The following MCC variants were observed in gnomAD, a reference collection of about 807,000 sequenced individuals.
MCC encodes the protein colorectal mutant cancer protein.
A neutral mutation model predicts 116.2 loss-of-function variants in MCC; 90 were observed. That is an observed-to-expected ratio of 0.77 (90% CI 0.65 to 0.92). The LOEUF (loss-of-function observed/expected upper bound fraction) is 0.92, where lower values mean the gene tolerates loss of function less well. Ranked by LOEUF, MCC falls within the 40% of genes least tolerant of loss-of-function variation. The pLI is 0.00. For synonymous variants in MCC, 578 were observed against 510.5 expected, an observed-to-expected ratio of 1.13 and a Z score of -1.78; for missense variants, 1,516 against 1,312.2, an observed-to-expected ratio of 1.16 and a Z score of -2.40.
At chr5:113,333,796 T>TATGTAC (rs1484458695) in intron 3 of MCC, among the ~76,000 whole-genome samples, 4 of 112,124 alleles carry the variant, frequency 3.6e-5, no homozygotes, top group African/African-American at 1.5e-4. Flanking sequence ...TATTTATATA[T>TATGTAC]ATATGTATAT....
At chr5:113,107,365 G>A (rs541618284) in intron 6 of MCC, among the ~76,000 whole-genome samples, 7 of 152,104 alleles carry the variant, frequency 4.6e-5, no homozygotes, top group African/African-American at 1.4e-4. Context: ...TTACAGGCGT[G>A]TGCCACCACA....
At chr5:113,323,665 T>A (rs1222613424) in intron 3 of MCC, among the ~76,000 whole-genome samples, 1 of 152,236 alleles carries the variant, frequency 6.6e-6, no homozygotes, top group Non-Finnish European at 1.5e-5. Flanking sequence ...AATTATATTC[T>A]TAACACATTG....
At chr5:113,150,290 T>C (rs1450135023) in intron 4 of MCC, among the ~76,000 whole-genome samples, 1 of 152,130 alleles carries the variant, frequency 6.6e-6, no homozygotes, top group Non-Finnish European at 1.5e-5. Flanking sequence ...TCCTGAAAGT[T>C]CAAGGAAATT....
At chr5:113,112,006 A>G (rs1374606932) in intron 6 of MCC, among the ~76,000 whole-genome samples, 1 of 152,162 alleles carries the variant, frequency 6.6e-6, no homozygotes, top group East Asian at 1.9e-4. Flanking sequence ...GCCCTGTAAA[A>G]ATCCTAACTC....
intron 8 of MCC, among the ~76,000 whole-genome samples, chr5:113,090,251 G>C (rs776587861): frequency 2.3e-4 from 35 of 151,942 alleles, no homozygotes; most frequent in Non-Finnish European, 4.9e-4. Context: ...AGACTGTCAG[G>C]GGAAGATGCG....
chr5:113,281,810 T>A (rs528357777), intron 3 of MCC, among the ~76,000 whole-genome samples: 1 of 152,220 alleles, frequency 6.6e-6, no homozygotes, highest in South Asian at 2.1e-4. Flanking sequence ...GGTCTACACT[T>A]AAGAACTTCT....
intron 3 of MCC, among the ~76,000 whole-genome samples, chr5:113,328,643 C>A (rs1767624527): frequency 6.6e-6 from 1 of 152,160 alleles, no homozygotes; most frequent in African/African-American, 2.4e-5. Context: ...GCTAATCCTC[C>A]TTGTTGTCTA....
chr5:113,073,290 G>A (rs1048408350), intron 11 of MCC, among the ~76,000 whole-genome samples: 7 of 152,236 alleles, frequency 4.6e-5, no homozygotes, highest in African/African-American at 1.4e-4. Flanking sequence ...CACCACACAT[G>A]GCGTGCGTGA....
In MCC at chr5:113,340,838, C is replaced by G; in HGVS notation, c.416-108G>C. 7.3e-6 allele frequency: 6 copies of G among 820,826 alleles called. No homozygotes were observed. In the South Asian group the frequency reaches 8.5e-5, roughly 12 times the overall value. 50.8% of individuals were successfully genotyped at this position (820,826 alleles called of 1,614,324 possible). On this transcript the variant is annotated intron_variant, in intron 2 of 18. Coordinates refer to ENST00000408903, the MANE Select transcript of MCC (RefSeq NM_001085377.2). ...TCCTAAGCCTTCCATGTGCCAGCATCTCAGAACACATGTGATGCCCAGGCT... is the reference window on the plus strand; with the variant it reads ...TCCTAAGCCTTCCATGTGCCAGCATGTCAGAACACATGTGATGCCCAGGCT...
At position 113,049,115 on chromosome 5, in the gene MCC, C is replaced by T. The variant is rs1752314875; in HGVS notation, c.2633G>A (p.Gly878Asp). 1 of 1,614,076 alleles carries T rather than the reference C, an allele frequency of 6.2e-7. No homozygotes were observed. The highest frequency in any genetic ancestry group is 8.5e-7 in the Non-Finnish European group (1 of 1,180,026). ...TACCTTGCCAGGTTTGTCTTTGCTG[C>T]CGCTGCTGGTGGAGCTGAGGGATCG... Reference protein sequence around the residue: ...RMRSLSSTSSGSKDKPGKECA... With the variant: ...RMRSLSSTSSDSKDKPGKECA... Residue 878 changes from glycine (G) to aspartate (D), a missense_variant, in exon 16 of 19, where the codon GGC (glycine) becomes GAC (aspartate). Gly to Asp is a moderately conservative substitution (Grantham distance 94). Coordinates refer to ENST00000408903, the MANE Select transcript of MCC (RefSeq NM_001085377.2).
At chr5:113,153,893 C>A (rs1195486140) in intron 3 of MCC, among the ~76,000 whole-genome samples, 1 of 152,242 alleles carries the variant, frequency 6.6e-6, no homozygotes, top group Non-Finnish European at 1.5e-5. Flanking sequence ...GACTTGCTTA[C>A]TCAAGGTCTC....
intron 3 of MCC, among the ~76,000 whole-genome samples, chr5:113,228,769 A>G (rs940845352): frequency 6.6e-6 from 1 of 152,214 alleles, no homozygotes; most frequent in African/African-American, 2.4e-5. Context: ...TGCAGAGACC[A>G]GTTACAAAAA....
At chr5:113,081,791 A>C (rs2150242322) in intron 11 of MCC, among the ~76,000 whole-genome samples, 1 of 152,284 alleles carries the variant, frequency 6.6e-6, no homozygotes, top group East Asian at 1.9e-4. Context: ...AATTTACCTT[A>C]GTTCTCAAGA....
rs544832120 is a variant in MCC at position 113,416,481 on chromosome 5, A to G, written c.171-31269T>C. On this transcript the variant is annotated intron_variant, in intron 1 of 18. Coordinates refer to ENST00000408903, the MANE Select transcript of MCC (RefSeq NM_001085377.2). ...TGGCTAAATAACATGGCAGCTATAT[A>G]TGTATTGATATGGAAAAGTTTCTAA... 4.6e-5 allele frequency among the ~76,000 whole-genome samples: 7 copies of G among 152,322 alleles called. No homozygotes were observed. In the South Asian group the frequency reaches 6.2e-4, roughly 14 times the overall value.
At chr5:113,339,241 AT>A (rs1767947536) in intron 3 of MCC, among the ~76,000 whole-genome samples, 2 of 151,860 alleles carry the variant, frequency 1.3e-5, no homozygotes, top group Non-Finnish European at 2.9e-5. Context: ...AAAAAAACAA[AT>A]AGTTTTAGAC....
At chr5:113,090,935 T>G (rs1478790086) in intron 8 of MCC, among the ~76,000 whole-genome samples, 1 of 152,304 alleles carries the variant, frequency 6.6e-6, no homozygotes, top group East Asian at 1.9e-4. Flanking sequence ...CTGAAGGAGT[T>G]GCCAGGAGGT....
intron 15 of MCC, among the ~76,000 whole-genome samples, chr5:113,052,431 G>A (rs1475620863): frequency 1.3e-5 from 2 of 151,000 alleles, no homozygotes; most frequent in Non-Finnish European, 3.0e-5. Context: ...GGAGCTGCGT[G>A]GCTTGATGAA....
At chr5:113,315,049 A>G (rs1454528798) in intron 3 of MCC, among the ~76,000 whole-genome samples, 1 of 152,234 alleles carries the variant, frequency 6.6e-6, no homozygotes, top group East Asian at 1.9e-4. Context: ...TTTGCTCTCC[A>G]TCAGTAAATA....
chr5:113,042,453 C>G (rs1404877962), intron 17 of MCC, among the ~76,000 whole-genome samples: 1 of 101,674 alleles, frequency 9.8e-6, no homozygotes, highest in Admixed American at 1.4e-4. Context: ...CCAGCCTGGG[C>G]AACAGAATGA....
Sources: gnomAD v4.1 joint callset for allele counts (sites outside exome capture counted in the v4.1 genomes callset) on GRCh38, gnomAD v4.1.1 for gene constraint, MANE v1.5 for transcripts, NCBI Gene and HGNC (gene_info 2026-07-23, HGNC 2026-07-21) for gene names.